Variants in KDM3B observed in about 807,000 individuals in gnomAD.
KDM3B encodes the protein lysine demethylase 3B.
KDM3B carries 10 observed loss-of-function variants against 170.0 expected under a neutral mutation model. The ratio of observed to expected loss-of-function variants is 0.06; its 90% CI spans 0.04 to 0.10. KDM3B has a LOEUF of 0.10. Among genes scored for constraint, KDM3B ranks in the 10% least tolerant of loss-of-function variants. The pLI, the probability that KDM3B is intolerant of heterozygous loss-of-function variation, is 1.00. For missense variants in KDM3B, 1,394 were observed against 2,195.2 expected, an observed-to-expected ratio of 0.64 and a Z score of 7.29; for synonymous variants, 831 against 834.8, an observed-to-expected ratio of 1.00 and a Z score of 0.08.
rs1301363836 is a variant in KDM3B, at chr5:138,428,065, G to C, written c.4732G>C (p.Gly1578Arg). 1 of 1,613,920 alleles carries C rather than the reference G, an allele frequency of 6.2e-7. No individual in the cohort carries two copies. The highest frequency in any genetic ancestry group is 1.1e-5 in the South Asian group (1 of 91,062). Reference protein sequence around the residue: ...NVMVYVGIPIGEGAHDEEVLK... With the variant: ...NVMVYVGIPIREGAHDEEVLK... Reference sequence around the variant, plus strand: ...GATGGTGTATGTTGGGATTCCCATCGGGGAGGGTGCTCATGATGAAGGTAT... The same window carrying C: ...GATGGTGTATGTTGGGATTCCCATCCGGGAGGGTGCTCATGATGAAGGTAT... The change falls in exon 20 of 24, where the codon GGG (glycine) becomes CGG (arginine). Residue 1578 changes from glycine to arginine, a missense_variant. Coordinates refer to ENST00000314358, the MANE Select transcript of KDM3B (RefSeq NM_016604.4).
intron 14 of KDM3B, among the ~76,000 whole-genome samples, chr5:138,419,930 G>A (rs942611594): frequency 2.5e-4 from 38 of 151,924 alleles, no homozygotes; most frequent in African/African-American, 8.9e-4. Flanking sequence ...CTGGAGTTCC[G>A]GCTGGAGTGC....
chr5:138,426,237 C>G (rs767122198), intron 17 of KDM3B, among the ~76,000 whole-genome samples: 39 of 152,066 alleles, frequency 2.6e-4, no homozygotes, highest in Non-Finnish European at 1.2e-4. Flanking sequence ...GAAAACAAAG[C>G]CCACCTTGTC....
At chr5:138,414,197 G>A (rs1024372293) in intron 11 of KDM3B, among the ~76,000 whole-genome samples, 1 of 150,774 alleles carries the variant, frequency 6.6e-6, no homozygotes, top group South Asian at 2.1e-4. Flanking sequence ...ATGGAGTCTC[G>A]CTCTGTCGCC....
In KDM3B at chr5:138,419,045, C is replaced by A; in HGVS notation, c.3528C>A (p.Asp1176Glu). The change falls in exon 14 of 24, where the codon GAC (aspartate) becomes GAA (glutamate). Residue 1176 changes from aspartate (D) to glutamate (E), a missense_variant. Physicochemically the swap from Asp to Glu is conservative, Grantham distance 45. Coordinates refer to ENST00000314358, the MANE Select transcript of KDM3B (RefSeq NM_016604.4). Reference protein sequence around the residue: ...GPAPVTTPEPDHVPKADSTDI... With the variant: ...GPAPVTTPEPEHVPKADSTDI... ...CACCAGTAACAACTCCAGAGCCGGA[C>A]CATGTTCCCAAAGCCGACAGCACTG... 1 of 1,614,220 alleles carries A rather than the reference C, an allele frequency of 6.2e-7. No individual in the cohort carries two copies. Among genetic ancestry groups the A allele is most frequent in the Non-Finnish European group, 8.5e-7 (1 of 1,180,046 alleles).
intron 9 of KDM3B, among the ~76,000 whole-genome samples, chr5:138,394,365 C>T (rs1248797608): frequency 1.3e-5 from 2 of 152,084 alleles, no homozygotes; most frequent in Admixed American, 1.3e-4. Flanking sequence ...CAAAGCGAGG[C>T]TCTCTCTAAA....
chr5:138,408,389 TAA>T (rs769091269), intron 11 of KDM3B, among the ~76,000 whole-genome samples: 4 of 135,500 alleles, frequency 3.0e-5, no homozygotes, highest in Non-Finnish European at 3.2e-5. Flanking sequence ...CTACACTCCT[TAA>T]AAAAAAAAAA....
At chr5:138,377,848 C>T (rs1178513191) in intron 4 of KDM3B, 23 bp downstream of exon 4, 2 of 1,510,482 alleles carry the variant, frequency 1.3e-6, no homozygotes, top group South Asian at 2.3e-5. Flanking sequence ...AGTCTTCTGT[C>T]CCTGAACTCT....
rs765132554 is a variant in KDM3B, at chr5:138,372,667, C to G, written c.193-7C>G. ...GTGACTTCCAAACTGCTTTTTATCTCTTGCAGATCTTTGTAGAATTTGATG... is the reference window on the plus strand; with the variant it reads ...GTGACTTCCAAACTGCTTTTTATCTGTTGCAGATCTTTGTAGAATTTGATG... On this transcript the variant is annotated splice_region_variant and splice_polypyrimidine_tract_variant and intron_variant, in intron 1 of 23. Coordinates refer to ENST00000314358, the MANE Select transcript of KDM3B (RefSeq NM_016604.4). The G allele has an allele frequency of 6.2e-7, 1 of 1,609,248 alleles. No individual in the cohort carries two copies.
chr5:138,416,641 G>T (rs1763114478), intron 12 of KDM3B, among the ~76,000 whole-genome samples: 1 of 150,784 alleles, frequency 6.6e-6, no homozygotes, highest in South Asian at 2.1e-4. Flanking sequence ...AACTTTGCTG[G>T]AGCATCCCCT....
chr5:138,402,474 T>G (rs1762717071), intron 11 of KDM3B, among the ~76,000 whole-genome samples: 1 of 152,224 alleles, frequency 6.6e-6, no homozygotes, highest in South Asian at 2.1e-4. Flanking sequence ...AGCCTCAGTT[T>G]TCTTGTCTGT....
At chr5:138,429,520 T>A (rs1763478427) in intron 20 of KDM3B, among the ~76,000 whole-genome samples, 1 of 152,144 alleles carries the variant, frequency 6.6e-6, no homozygotes, top group Admixed American at 6.5e-5. Context: ...ATATACAGAC[T>A]CCATATACTT....
At chr5:138,400,705 TAC>T (rs1221474884) in intron 11 of KDM3B, among the ~76,000 whole-genome samples, 1 of 151,848 alleles carries the variant, frequency 6.6e-6, no homozygotes, top group African/African-American at 2.4e-5. Context: ...GCTATGATCA[TAC>T]CACTGCACTC....
At chr5:138,422,076 A>T (rs1763286435) in intron 15 of KDM3B, among the ~76,000 whole-genome samples, 1 of 152,150 alleles carries the variant, frequency 6.6e-6, no homozygotes, top group South Asian at 2.1e-4. Flanking sequence ...TCCCTCACCT[A>T]AACCTTCAGT....
rs1762636739 is a variant in KDM3B, at chr5:138,399,784, T to C, written c.3047-76T>C. The C allele has an allele frequency of 3.2e-5, 43 of 1,358,362 alleles. 1 individual carries two copies. The Middle Eastern group carries it at 7.5e-4, about 24-fold the overall frequency. 84.1% of individuals were successfully genotyped at this position (1,358,362 alleles called of 1,614,324 possible). A position where few individuals can be genotyped will look rare whatever the true frequency, so the allele number is the denominator to read the frequency against. ...TTATTGCTGAACAAAATAGCTTGAGTAGGGATCAGTGGGTCTGGGGTCTTT... is the reference window on the plus strand; with the variant it reads ...TTATTGCTGAACAAAATAGCTTGAGCAGGGATCAGTGGGTCTGGGGTCTTT... On this transcript the variant is annotated intron_variant, in intron 10 of 23. Coordinates refer to ENST00000314358, the MANE Select transcript of KDM3B (RefSeq NM_016604.4).
intron 1 of KDM3B, among the ~76,000 whole-genome samples, chr5:138,356,134 A>C (rs1761442178): frequency 6.6e-6 from 1 of 152,156 alleles, no homozygotes; most frequent in Non-Finnish European, 1.5e-5. Context: ...CTGTTAATGG[A>C]CATTCAGGTT....
chr5:138,412,670 G>T (rs1408425054), intron 11 of KDM3B, among the ~76,000 whole-genome samples: 1 of 151,816 alleles, frequency 6.6e-6, no homozygotes, highest in Non-Finnish European at 1.5e-5. Context: ...AAGAGAAAAT[G>T]AAAAGCTGCT....
chr5:138,404,374 C>A (rs1196220837), intron 11 of KDM3B, among the ~76,000 whole-genome samples: 1 of 152,168 alleles, frequency 6.6e-6, no homozygotes, highest in Non-Finnish European at 1.5e-5. Context: ...TGCCTGTAAT[C>A]CCAGCACTTT....
intron 11 of KDM3B, among the ~76,000 whole-genome samples, chr5:138,406,981 AT>A (rs745918786): frequency 0.28 from 32,963 of 118,636 alleles, 3,510 homozygotes; most frequent in South Asian, 0.36. Flanking sequence ...TATGCCAATA[AT>A]TTTTTTTTTT....
intron 12 of KDM3B, among the ~76,000 whole-genome samples, chr5:138,416,309 G>T (rs1054449871): frequency 1.3e-5 from 2 of 152,030 alleles, no homozygotes; most frequent in African/African-American, 4.8e-5. Flanking sequence ...TTTGCCACAG[G>T]CCAGGCATGG....
Sources: gnomAD v4.1 joint callset for allele counts (sites outside exome capture counted in the v4.1 genomes callset) on GRCh38, gnomAD v4.1.1 for gene constraint, MANE v1.5 for transcripts, NCBI Gene and HGNC (gene_info 2026-07-23, HGNC 2026-07-21) for gene names.